The following PLEKHA7 variants were observed in gnomAD, a reference collection of about 807,000 sequenced individuals.
PLEKHA7 encodes the protein pleckstrin homology domain-containing family A member 7.
In PLEKHA7, 104 loss-of-function variants were observed where a neutral mutation model predicts 170.0. The ratio of observed to expected loss-of-function variants is 0.61; its 90% CI spans 0.52 to 0.72. The LOEUF is 0.72. PLEKHA7 is among the 30% of genes least tolerant of loss of function. The pLI is 0.00. For missense variants in PLEKHA7, 1,615 were observed against 1,671.7 expected (o/e 0.97, Z 0.59); for synonymous variants, 648 against 660.8 (o/e 0.98, Z 0.30).
intron 3 of PLEKHA7, among the ~76,000 whole-genome samples, chr11:16,981,933 C>A (rs1411217897): frequency 6.6e-6 from 1 of 152,154 alleles, no homozygotes; most frequent in Non-Finnish European, 1.5e-5. Context: ...GCTCTGTTTA[C>A]CCACGTTGCC....
intron 3 of PLEKHA7, among the ~76,000 whole-genome samples, chr11:16,955,178 C>A (rs952454142): frequency 8.5e-5 from 13 of 152,174 alleles, no homozygotes; most frequent in Non-Finnish European, 1.6e-4. Context: ...CCAATGAACC[C>A]TGATGCTTAG....
intron 3 of PLEKHA7, among the ~76,000 whole-genome samples, chr11:16,920,972 A>T (rs539634221): frequency 2.2e-4 from 34 of 152,354 alleles, no homozygotes; most frequent in African/African-American, 7.9e-4. Flanking sequence ...GCCTTTTTGT[A>T]ATCTTATAAA....
rs546559532 is a variant in PLEKHA7 at position 16,815,859 on chromosome 11, A to G, written c.1953+319T>C. Among the ~76,000 whole-genome samples the G allele has an allele frequency of 2.6e-5, 4 of 152,338 alleles. No homozygotes were observed. In the East Asian group the frequency reaches 7.7e-4, roughly 29 times the overall value. Reference sequence around the variant, plus strand: ...GATTGAGTTAACTAGTTAACTAATCAAAGATCAGGGAAGAAAGGAGAGGCA... The same window carrying G: ...GATTGAGTTAACTAGTTAACTAATCGAAGATCAGGGAAGAAAGGAGAGGCA... On this transcript the variant is annotated intron_variant, in intron 12 of 26. Coordinates refer to ENST00000531066, the MANE Select transcript of PLEKHA7 (RefSeq NM_001329630.2).
At chr11:16,926,225 G>C (rs907243239) in intron 3 of PLEKHA7, among the ~76,000 whole-genome samples, 1 of 152,238 alleles carries the variant, frequency 6.6e-6, no homozygotes, top group Non-Finnish European at 1.5e-5. Flanking sequence ...GCCGCTATCA[G>C]GCACCCAGCG....
At chr11:16,808,772 C>G (rs1219134422) in intron 13 of PLEKHA7, among the ~76,000 whole-genome samples, 1 of 152,138 alleles carries the variant, frequency 6.6e-6, no homozygotes, top group Non-Finnish European at 1.5e-5. Context: ...AACCCCACAC[C>G]CCACCCTTCT....
chr11:16,810,833 C>A (rs1427317896), intron 13 of PLEKHA7, among the ~76,000 whole-genome samples: 2 of 152,166 alleles, frequency 1.3e-5, no homozygotes, highest in Non-Finnish European at 2.9e-5. Context: ...TGATGAAGGG[C>A]TTTAGGGTGA....
chr11:16,944,054 C>T (rs1860860774), intron 3 of PLEKHA7, among the ~76,000 whole-genome samples: 1 of 152,124 alleles, frequency 6.6e-6, no homozygotes, highest in South Asian at 2.1e-4. Flanking sequence ...ACCAAACCAC[C>T]TTGAAAGAAT....
chr11:16,932,247 C>CT (rs1346324945), intron 3 of PLEKHA7, among the ~76,000 whole-genome samples: 1 of 149,696 alleles, frequency 6.7e-6, no homozygotes, highest in African/African-American at 2.5e-5. Context: ...CACAATAGTA[C>CT]TAAATAAATG....
intron 13 of PLEKHA7, chr11:16,812,575 T>C (rs973377424): frequency 1.3e-5 from 2 of 152,304 alleles, no homozygotes; most frequent in African/African-American, 4.8e-5. Context: ...TTCTTGGCTC[T>C]CTCTGTGCTG....
chr11:16,989,387 A>C (rs541845882), intron 3 of PLEKHA7, among the ~76,000 whole-genome samples: 125 of 152,338 alleles, frequency 8.2e-4, no homozygotes, highest in African/African-American at 2.9e-3. Flanking sequence ...TACAAAATGG[A>C]GAAAATTTTT....
intron 3 of PLEKHA7, among the ~76,000 whole-genome samples, chr11:16,882,561 G>T (rs1855788038): frequency 6.6e-6 from 1 of 152,212 alleles, no homozygotes; most frequent in African/African-American, 2.4e-5. Flanking sequence ...ATCCTAACAA[G>T]GGCATTTGCT....
At chr11:16,875,622 T>C (rs375026502) in intron 3 of PLEKHA7, among the ~76,000 whole-genome samples, 2 of 151,970 alleles carry the variant, frequency 1.3e-5, no homozygotes, top group South Asian at 4.2e-4. Flanking sequence ...TAATTTTTTT[T>C]TTAGTAGAGA....
intron 3 of PLEKHA7, among the ~76,000 whole-genome samples, chr11:16,949,657 C>A (rs1417639097): frequency 6.6e-6 from 1 of 152,152 alleles, no homozygotes; most frequent in African/African-American, 2.4e-5. Context: ...ATATGCCTAT[C>A]CTAGGTACTT....
In PLEKHA7 at chr11:16,794,639, T is replaced by C. The variant is rs376581861; in HGVS notation, c.2594A>G (p.Gln865Arg). 5.0e-6 allele frequency: 8 copies of C among 1,613,820 alleles called. No individual in the cohort carries two copies. In the African/African-American group the frequency reaches 9.3e-5, roughly 19 times the overall value. The change falls in exon 19 of 27, where the codon CAG becomes CGG. Residue 865 changes from glutamine to arginine, a missense_variant. By Grantham distance (43) the Gln-to-Arg change is conservative (BLOSUM62 1). Coordinates refer to ENST00000531066, the MANE Select transcript of PLEKHA7 (RefSeq NM_001329630.2). ...LSTSESKPPPQPSPPTSPVRT... is the reference protein window; with the variant it reads ...LSTSESKPPPRPSPPTSPVRT... Reference sequence around the variant, plus strand: ...CACAGGGCTGGTGGGAGGACTGGGCTGTGGGGGCGGCTTGCTCTCAGAAGT... The same window carrying C: ...CACAGGGCTGGTGGGAGGACTGGGCCGTGGGGGCGGCTTGCTCTCAGAAGT...
intron 4 of PLEKHA7, among the ~76,000 whole-genome samples, chr11:16,863,145 A>G (rs1209759287): frequency 1.3e-5 from 2 of 152,090 alleles, no homozygotes. Flanking sequence ...CCGCCCCCGA[A>G]CCCATAATCA....
intron 6 of PLEKHA7, among the ~76,000 whole-genome samples, 180 bp from the exon 7 acceptor site, chr11:16,852,535 G>A (rs551896767): frequency 2.0e-5 from 3 of 152,186 alleles, no homozygotes; most frequent in East Asian, 3.9e-4. Context: ...ATTAAATGAT[G>A]GTTTATCCTA....
At chr11:16,919,569 G>C (rs148752212) in intron 3 of PLEKHA7, among the ~76,000 whole-genome samples, 6 of 152,084 alleles carry the variant, frequency 3.9e-5, no homozygotes, top group South Asian at 2.1e-4. Context: ...TATCTTCTTG[G>C]GGGGCTGAGT....
intron 3 of PLEKHA7, among the ~76,000 whole-genome samples, chr11:17,012,698 CAACGTGTG>C (rs1335406209): frequency 6.6e-6 from 1 of 152,202 alleles, no homozygotes; most frequent in Non-Finnish European, 1.5e-5. Flanking sequence ...ATGCCTAGAA[CAACGTGTG>C]AACGTGTGGC....
intron 3 of PLEKHA7, among the ~76,000 whole-genome samples, chr11:16,946,665 C>T (rs1221448607): frequency 2.0e-5 from 3 of 152,070 alleles, no homozygotes; most frequent in Non-Finnish European, 4.4e-5. Flanking sequence ...TATCTGAAGG[C>T]TCTAGGTTTT....
Sources: gnomAD v4.1 joint callset for allele counts (sites outside exome capture counted in the v4.1 genomes callset) on GRCh38, gnomAD v4.1.1 for gene constraint, MANE v1.5 for transcripts, NCBI Gene and HGNC (gene_info 2026-07-23, HGNC 2026-07-21) for gene names.